Variants in ALKBH5 observed in about 807,000 individuals in gnomAD.
ALKBH5 encodes the protein RNA demethylase ALKBH5.
Under a neutral mutation model 32.1 loss-of-function variants are expected in ALKBH5, and 2 were observed. That is an observed-to-expected ratio of 0.06 (90% confidence interval 0.03 to 0.20). The LOEUF is 0.20. ALKBH5 is among the 10% of genes least tolerant of loss of function. ALKBH5 has a pLI of 1.00. For synonymous variants in ALKBH5, 300 were observed against 231.7 expected (o/e 1.29, Z -2.68); for missense variants, 352 against 559.5 (o/e 0.63, Z 3.74).
chr17:18,183,881 G>T lies in ALKBH5; in HGVS notation c.-363G>T, dbSNP rs965318485. ...GGACGTCGGGCTGGCTGCCCGTGAC[G>T]TCGTGCGGAGAGCTTTAAAGTGCGG... is the stretch of plus-strand genomic sequence containing the variant. On this transcript the variant is annotated 5_prime_UTR_variant, in exon 1 of 4. Transcript: ENST00000399138. The T allele has an allele frequency of 3.5e-5, 14 of 400,546 alleles. No individual in the cohort carries two copies. The Admixed American group carries it at 4.2e-4, about 12-fold the overall frequency. The allele number at this position is 400,546 out of a possible 1,614,324, so 24.8% of individuals were successfully genotyped here.
chr17:18,203,433 C>T (rs960210775), intron 2 of ALKBH5, among the ~76,000 whole-genome samples: 4 of 152,254 alleles, frequency 2.6e-5, no homozygotes, highest in African/African-American at 4.8e-5. Flanking sequence ...TGTGACCTCC[C>T]TTGTCCCTGC....
rs1020349428 is a variant in ALKBH5 at position 18,184,723 on chromosome 17, C to G, written c.480C>G (p.Asp160Glu). The change falls in exon 1 of 4, where the codon GAC becomes GAG. Residue 160 changes from aspartate to glutamate, a missense_variant. Physicochemically the swap from Asp to Glu is conservative, Grantham distance 45. Coordinates refer to ENST00000399138, the MANE Select transcript of ALKBH5 (RefSeq NM_017758.4). ...AGGAGCGCCTCTACCCGCCGGGCGA[C>G]GTGGACGAGATCCCCGAGTGGGTGC... ...PGQERLYPPG[D>E]VDEIPEWVHQ... The G allele has an allele frequency of 1.2e-6, 2 of 1,613,452 alleles. No homozygotes were observed. The highest frequency in any genetic ancestry group is 1.7e-6 in the Non-Finnish European group (2 of 1,179,896).
intron 2 of ALKBH5, among the ~76,000 whole-genome samples, chr17:18,201,803 AGATAGATAGAT>A (rs1471606153): frequency 0.016 from 862 of 53,420 alleles, 12 homozygotes; most frequent in Middle Eastern, 0.073. Flanking sequence ...TAAGATAGAT[AGATAGATAGAT>A]AGATAGATAG....
At position 18,184,549 on chromosome 17, in the gene ALKBH5, G is replaced by T; in HGVS notation, c.306G>T (p.Lys102Asn). 1.2e-6 allele frequency: 2 copies of T among 1,613,356 alleles called. No homozygotes were observed. The highest frequency in any genetic ancestry group is 1.7e-6 in the Non-Finnish European group (2 of 1,180,010). The change falls in exon 1 of 4, where the codon AAG (lysine) becomes AAT (asparagine). Residue 102 changes from lysine to asparagine, a missense_variant. Coordinates refer to ENST00000399138, the MANE Select transcript of ALKBH5 (RefSeq NM_017758.4). Reference sequence around the variant, plus strand: ...TCTTCAGCCAGGACGAGTGCGCCAAGATCGAGGCCCGCATTGACGAGGTGG... The same window carrying T: ...TCTTCAGCCAGGACGAGTGCGCCAATATCGAGGCCCGCATTGACGAGGTGG... The part of the protein sequence containing the change: ...MRLFSQDECA[K>N]IEARIDEVVS...
In ALKBH5 at chr17:18,185,513, C is replaced by T. The variant is rs747341478; in HGVS notation, c.770+500C>T. On this transcript the variant is annotated intron_variant, in intron 1 of 3. Coordinates refer to ENST00000399138, the MANE Select transcript of ALKBH5 (RefSeq NM_017758.4). ...AGATTATTTAATTGAAGCACATTCTCCATTCCCAGGAGGGGGAGTGACTTC... is the reference window on the plus strand; with the variant it reads ...AGATTATTTAATTGAAGCACATTCTTCATTCCCAGGAGGGGGAGTGACTTC... Among the ~76,000 whole-genome samples, 5 of 152,178 alleles carry T rather than the reference C, an allele frequency of 3.3e-5. 1 individual carries two copies. Among genetic ancestry groups the T allele is most frequent in the African/African-American group, 7.2e-5 (3 of 41,444 alleles).
At chr17:18,193,158 A>T in intron 1 of ALKBH5, among the ~76,000 whole-genome samples, 1 of 151,464 alleles carries the variant, frequency 6.6e-6, no homozygotes, top group East Asian at 2.0e-4. Context: ...CACCGTGCCT[A>T]GCCTGTCTAC....
At chr17:18,189,874 G>C (rs1431125904) in intron 1 of ALKBH5, among the ~76,000 whole-genome samples, 1 of 152,236 alleles carries the variant, frequency 6.6e-6, no homozygotes, top group African/African-American at 2.4e-5. Context: ...GGACTTGGCA[G>C]GTTGACCTTC....
At chr17:18,188,873 C>T (rs2047155886) in intron 1 of ALKBH5, among the ~76,000 whole-genome samples, 1 of 152,100 alleles carries the variant, frequency 6.6e-6, no homozygotes, top group South Asian at 2.1e-4. Context: ...TTGAGACCAA[C>T]CTGGCCAACA....
At chr17:18,201,826 TA>T (rs1192673702) in intron 2 of ALKBH5, among the ~76,000 whole-genome samples, 5 of 125,822 alleles carry the variant, frequency 4.0e-5, no homozygotes, top group African/African-American at 1.5e-4. Flanking sequence ...GATAGATAGA[TA>T]GATAGATAGA....
chr17:18,201,826 T>C (rs1597841333), intron 2 of ALKBH5, among the ~76,000 whole-genome samples: 1 of 125,822 alleles, frequency 7.9e-6, no homozygotes, highest in Non-Finnish European at 1.8e-5. Flanking sequence ...GATAGATAGA[T>C]AGATAGATAG....
At chr17:18,196,146 T>C (rs1226530169) in intron 2 of ALKBH5, among the ~76,000 whole-genome samples, 2 of 152,164 alleles carry the variant, frequency 1.3e-5, no homozygotes, top group African/African-American at 4.8e-5. Flanking sequence ...TACATTTAGT[T>C]GACATATCAA....
At chr17:18,191,213 A>G (rs1377058168) in intron 1 of ALKBH5, among the ~76,000 whole-genome samples, 1 of 152,250 alleles carries the variant, frequency 6.6e-6, no homozygotes, top group Non-Finnish European at 1.5e-5. Context: ...GAGATTGGCC[A>G]GGAGAGCTTC....
At chr17:18,195,648 C>T (rs2047200340) in intron 2 of ALKBH5, among the ~76,000 whole-genome samples, 1 of 152,188 alleles carries the variant, frequency 6.6e-6, no homozygotes, top group African/African-American at 2.4e-5. Flanking sequence ...TGGATCAAGA[C>T]AAGCCTTGCC....
chr17:18,193,422 C>A (rs2047189177), intron 1 of ALKBH5, among the ~76,000 whole-genome samples: 1 of 151,896 alleles, frequency 6.6e-6, no homozygotes, highest in South Asian at 2.1e-4. Flanking sequence ...TGGGGTGCGC[C>A]TGTAGTCCCA....
chr17:18,189,676 C>T (rs553461366), intron 1 of ALKBH5, among the ~76,000 whole-genome samples: 1 of 152,314 alleles, frequency 6.6e-6, no homozygotes, highest in Non-Finnish European at 1.5e-5. Flanking sequence ...TCGTTGACTT[C>T]GGGGAAATTA....
rs147238648 is a variant in ALKBH5 at position 18,203,674 on chromosome 17, G to A, written c.852-3141G>A. ...GCTAAACCCTGAGGACCTGGCCTAC[G>A]CCATGAGAGTTGGTTGCCTTTTAAC... On this transcript the variant is annotated intron_variant, in intron 2 of 3. Coordinates refer to ENST00000399138, the MANE Select transcript of ALKBH5 (RefSeq NM_017758.4). 3.5e-3 allele frequency among the ~76,000 whole-genome samples: 538 copies of A among 152,368 alleles called. 6 individuals are homozygous for A. Among genetic ancestry groups the A allele is most frequent in the Non-Finnish European group, 3.3e-3 (226 of 68,046 alleles).
rs758409355 is a variant in ALKBH5, at chr17:18,208,260, C to T, written c.1049C>T (p.Ser350Leu). 1.9e-6 allele frequency: 3 copies of T among 1,613,382 alleles called. No homozygotes were observed. Among genetic ancestry groups the T allele is most frequent in the South Asian group, 1.1e-5 (1 of 91,024 alleles). Residue 350 changes from serine to leucine, a missense_variant, in exon 4 of 4, where the codon TCG (serine) becomes TTG (leucine). Coordinates refer to ENST00000399138, the MANE Select transcript of ALKBH5 (RefSeq NM_017758.4). ...LEMDKEENRRSVLLPTHRRRG... is the reference protein window; with the variant it reads ...LEMDKEENRRLVLLPTHRRRG... ...ATGGACAAGGAAGAGAACCGGCGCT[C>T]GGTGCTGCTGCCCACACACCGGCGG...
chr17:18,193,005 C>T (rs1027058641), intron 1 of ALKBH5, among the ~76,000 whole-genome samples: 19 of 151,890 alleles, frequency 1.3e-4, no homozygotes, highest in Non-Finnish European at 1.9e-4. Context: ...ATTACAGGCA[C>T]CTGCCATCAT....
chr17:18,195,614 A>G (rs2047200158), intron 2 of ALKBH5, among the ~76,000 whole-genome samples: 1 of 152,174 alleles, frequency 6.6e-6, no homozygotes, highest in African/African-American at 2.4e-5. Context: ...GGGTGAGTGG[A>G]AGAAGCCATA....
Sources: gnomAD v4.1 joint callset for allele counts (sites outside exome capture counted in the v4.1 genomes callset) on GRCh38, gnomAD v4.1.1 for gene constraint, MANE v1.5 for transcripts, NCBI Gene and HGNC (gene_info 2026-07-23, HGNC 2026-07-21) for gene names.